The following CHD9 variants were observed in gnomAD, a reference collection of about 807,000 sequenced individuals.
CHD9 encodes the protein ATP-dependent chromatin remodeler CHD9.
CHD9 carries 77 observed loss-of-function variants against 316.1 expected under a neutral mutation model. That is an observed-to-expected ratio of 0.24 (90% CI 0.20 to 0.29). The LOEUF (loss-of-function observed/expected upper bound fraction) is 0.29, where lower values mean the gene tolerates loss of function less well. CHD9 is among the 10% of genes least tolerant of loss of function. The probability of loss-of-function intolerance (pLI) is 1.00; values close to 1 mark genes in which losing one functional copy is unlikely to be tolerated. For synonymous variants in CHD9, 1,129 were observed against 1,158.3 expected (o/e 0.97, Z 0.51); for missense variants, 2,763 against 3,438.1 (o/e 0.80, Z 4.91).
At chr16:53,285,768 T>C (rs2053817599) in intron 25 of CHD9, 69 bp downstream of exon 25, 3 of 791,236 alleles carry the variant, frequency 3.8e-6, no homozygotes, top group East Asian at 2.6e-5. Flanking sequence ...TCTCAGTTCA[T>C]TGATTTCCAC....
chr16:53,208,612 A>G (rs77237749), intron 2 of CHD9: 57 of 1,001,314 alleles, frequency 5.7e-5, no homozygotes, highest in South Asian at 2.0e-4. Context: ...GCAGGTATAG[A>G]AAAAATATCC....
chr16:53,306,574 G>A (rs989979995), intron 32 of CHD9, among the ~76,000 whole-genome samples, 177 bp downstream of exon 32: 5 of 152,194 alleles, frequency 3.3e-5, no homozygotes. Context: ...CTGCTTTAAT[G>A]TGTATGCTTC....
intron 37 of CHD9, among the ~76,000 whole-genome samples, chr16:53,318,585 A>G: frequency 6.6e-6 from 1 of 152,244 alleles, no homozygotes; most frequent in East Asian, 1.9e-4. Flanking sequence ...GCCATTGCAC[A>G]TGATTGTACA....
intron 36 of CHD9, among the ~76,000 whole-genome samples, chr16:53,317,885 T>C (rs1429874826): frequency 1.3e-5 from 2 of 151,700 alleles, no homozygotes; most frequent in African/African-American, 4.8e-5. Context: ...AAAACTTTCA[T>C]CTCTACAAAA....
intron 12 of CHD9, among the ~76,000 whole-genome samples, chr16:53,239,956 G>A (rs550780237): frequency 2.6e-5 from 4 of 152,274 alleles, no homozygotes; most frequent in Admixed American, 2.6e-4. Flanking sequence ...TTTCAACCTT[G>A]GAAGTAGGAA....
At chr16:53,192,343 A>G (rs2044548546) in intron 2 of CHD9, among the ~76,000 whole-genome samples, 1 of 152,256 alleles carries the variant, frequency 6.6e-6, no homozygotes, top group Non-Finnish European at 1.5e-5. Context: ...AATAACAGTC[A>G]TAGGACAGGA....
At chr16:53,236,917 C>G (rs555296457) in intron 11 of CHD9, among the ~76,000 whole-genome samples, 2 of 151,678 alleles carry the variant, frequency 1.3e-5, no homozygotes, top group Admixed American at 6.6e-5. Flanking sequence ...GTCTTTAGCT[C>G]TCTTTTCATA....
rs1200202003 is a variant in CHD9, at chr16:53,325,569, G to A, written c.*674G>A. ...TTTTTAAACACATCCTATATATCAT[G>A]TCAATCTGGCAAGAAATATGACTTG... On this transcript the variant is annotated 3_prime_UTR_variant, in exon 39 of 39. Coordinates refer to ENST00000447540, the MANE Select transcript of CHD9 (RefSeq NM_001308319.2). 2.0e-5 allele frequency: 3 copies of A among 152,546 alleles called. No homozygotes were observed. The highest frequency in any genetic ancestry group is 4.4e-5 in the Non-Finnish European group (3 of 68,016). 9.4% of individuals were successfully genotyped at this position (152,546 alleles called of 1,614,324 possible).
chr16:53,295,785 A>T (rs562291206), intron 29 of CHD9, among the ~76,000 whole-genome samples: 68 of 152,112 alleles, frequency 4.5e-4, no homozygotes, highest in Non-Finnish European at 1.0e-4. Context: ...CCTGTCCCAT[A>T]TGTTTTTTCT....
chr16:53,108,511 T>TATAGATAGATAG (rs36134573), intron 1 of CHD9, among the ~76,000 whole-genome samples: 1 of 146,510 alleles, frequency 6.8e-6, no homozygotes, highest in African/African-American at 2.5e-5. Context: ...TCTCAAAAAA[T>TATAGATAGATAG]ATAGATAGAT....
chr16:53,180,973 C>T (rs1404298258), intron 2 of CHD9, among the ~76,000 whole-genome samples: 1 of 151,896 alleles, frequency 6.6e-6, no homozygotes, highest in Non-Finnish European at 1.5e-5. Flanking sequence ...CCTCGCCCAG[C>T]CTGAAACAGG....
intron 10 of CHD9, among the ~76,000 whole-genome samples, chr16:53,234,681 A>G (rs1367026141): frequency 6.6e-5 from 10 of 151,786 alleles, no homozygotes; most frequent in African/African-American, 2.4e-5. Flanking sequence ...ATCTCAAGCG[A>G]TCCTCCCCAC....
In CHD9 at chr16:53,209,774, C is replaced by A. The variant is rs1205011790; in HGVS notation, c.1745C>A (p.Thr582Lys). The A allele has an allele frequency of 1.9e-6, 3 of 1,601,852 alleles. No individual in the cohort carries two copies. Among genetic ancestry groups the A allele is most frequent in the Admixed American group, 3.5e-5 (2 of 57,212 alleles). Reference protein sequence around the residue: ...SKPKDKDSKKTKTCSKLKEKT... With the variant: ...SKPKDKDSKKKKTCSKLKEKT... Reference sequence around the variant, plus strand: ...CCAAAGGACAAAGACAGCAAAAAAACAAAAACATGTTCTAAGTTAAAAGAG... The same window carrying A: ...CCAAAGGACAAAGACAGCAAAAAAAAAAAAACATGTTCTAAGTTAAAAGAG... The change falls in exon 3 of 39, where the codon ACA becomes AAA. Residue 582 changes from threonine to lysine, a missense_variant. Coordinates refer to ENST00000447540, the MANE Select transcript of CHD9 (RefSeq NM_001308319.2).
At chr16:53,216,561 T>G (rs2046778878) in intron 3 of CHD9, among the ~76,000 whole-genome samples, 1 of 152,200 alleles carries the variant, frequency 6.6e-6, no homozygotes, top group Non-Finnish European at 1.5e-5. Context: ...AACTGAACAC[T>G]GCCTGTCTGT....
chr16:53,235,988 A>G (rs1375930293), intron 11 of CHD9, among the ~76,000 whole-genome samples: 1 of 152,060 alleles, frequency 6.6e-6, no homozygotes, highest in African/African-American at 2.4e-5. Context: ...ATTTTTAATC[A>G]TTTTTACTTT....
At chr16:53,248,379 A>G (rs2049827983) in intron 16 of CHD9, among the ~76,000 whole-genome samples, 1 of 151,894 alleles carries the variant, frequency 6.6e-6, no homozygotes, top group African/African-American at 2.4e-5. Flanking sequence ...AGGCTATAAT[A>G]GGCTAATTAT....
At chr16:53,087,736 TCAGGAGTTCGAGACCAGCCTGGC>T (rs909457764) in intron 1 of CHD9, among the ~76,000 whole-genome samples, 26 of 151,996 alleles carry the variant, frequency 1.7e-4, no homozygotes, top group Non-Finnish European at 3.4e-4. Context: ...TCACTTGAGG[TCAGGAGTTCGAGACCAGCCTGGC>T]CAACATGATG....
At chr16:53,056,160 G>A (rs2032085838) in intron 1 of CHD9, among the ~76,000 whole-genome samples, 1 of 152,108 alleles carries the variant, frequency 6.6e-6, no homozygotes, top group African/African-American at 2.4e-5. Flanking sequence ...CAAAGTGCTG[G>A]GATTATAGGC....
At chr16:53,302,014 C>T (rs896141642) in intron 30 of CHD9, among the ~76,000 whole-genome samples, 15 of 151,944 alleles carry the variant, frequency 9.9e-5, no homozygotes, top group African/African-American at 3.1e-4. Context: ...CCACCCGCCT[C>T]GGCCTCCCAA....
Sources: allele counts gnomAD v4.1 joint callset (sites outside exome capture counted in the v4.1 genomes callset), GRCh38; gene constraint gnomAD v4.1.1; transcripts MANE v1.5; gene names NCBI Gene and HGNC (gene_info 2026-07-23, HGNC 2026-07-21).